SHISAL1: variants seen among roughly 807,000 people sequenced by gnomAD.
SHISAL1 encodes shisa like 1, also known as protein shisa-like-1.
Under a neutral mutation model 22.6 loss-of-function variants are expected in SHISAL1, and 9 were observed. The observed-to-expected ratio is 0.40, with a 90% CI of 0.24 to 0.70. SHISAL1 has a LOEUF of 0.70. SHISAL1 is among the 30% of genes least tolerant of loss of function. SHISAL1 has a pLI of 0.39. For missense variants in SHISAL1, 246 were observed against 270.6 expected, an observed-to-expected ratio of 0.91 and a Z score of 0.64; for synonymous variants, 119 against 115.4, an observed-to-expected ratio of 1.03 and a Z score of -0.20.
chr22:44,246,263 CACACAGTTCCCAGTGGGAA>C lies in SHISAL1; in HGVS notation c.*3403_*3421del, dbSNP rs764482840. 6.6e-6 allele frequency: 1 copy of C among 152,262 alleles called. No homozygotes were observed. The highest frequency in any genetic ancestry group is 1.5e-5 in the Non-Finnish European group (1 of 68,058). The allele number at this position is 152,262 out of a possible 1,614,324, so 9.4% of individuals were successfully genotyped here. ...AAAGCATAAAACTGCTCATTAATTA[CACACAGTTCCCAGTGGGAA>C]ACAGTCCTTACAAACGCGGTAGTTC... On this transcript the variant is annotated 3_prime_UTR_variant, in exon 5 of 5. Coordinates refer to ENST00000381176, the MANE Select transcript of SHISAL1 (RefSeq NM_001099294.2).
chr22:44,250,148 A>G (rs5764658), intron 4 of SHISAL1, among the ~76,000 whole-genome samples: 15,697 of 152,228 alleles, frequency 0.1, 1,401 homozygotes, highest in East Asian at 0.28. Context: ...AGTCTCAGTT[A>G]ACACTTGTTC....
chr22:44,320,243 G>T, the SHISAL1 span, among the ~76,000 whole-genome samples: 1 of 152,168 alleles, frequency 6.6e-6, no homozygotes. Context: ...GGTGCCTGTT[G>T]GAACACAAAC....
At chr22:44,317,253 T>TG (rs769211308), upstream of SHISAL1, among the ~76,000 whole-genome samples, 3 of 152,150 alleles carry the variant, frequency 2.0e-5, no homozygotes, top group Non-Finnish European at 2.9e-5. Context: ...TGGAAGGACG[T>TG]GCCTCTCGAA....
intron 4 of SHISAL1, among the ~76,000 whole-genome samples, chr22:44,284,897 G>GTCTGCCTGCCTTCCTTCCTTCCTT (rs1555928200): frequency 7.4e-6 from 1 of 134,504 alleles, no homozygotes; most frequent in Non-Finnish European, 1.6e-5. Flanking sequence ...CTGCCTTCCT[G>GTCTGCCTGCCTTCCTTCCTTCCTT]CCTTCCTTCC....
chr22:44,312,282 G>A (rs1307200578), intron 1 of SHISAL1, among the ~76,000 whole-genome samples: 1 of 152,112 alleles, frequency 6.6e-6, no homozygotes, highest in African/African-American at 2.4e-5. Flanking sequence ...CTCTGAAGTG[G>A]GTCGAACAGA....
chr22:44,268,230 A>C (rs1191039971), intron 4 of SHISAL1, among the ~76,000 whole-genome samples: 1 of 152,214 alleles, frequency 6.6e-6, no homozygotes, highest in Admixed American at 6.5e-5. Flanking sequence ...TAAATGCCAC[A>C]AAGTGCTCTG....
intron 4 of SHISAL1, among the ~76,000 whole-genome samples, chr22:44,275,317 C>G (rs1332362545): frequency 2.6e-5 from 4 of 152,198 alleles, no homozygotes; most frequent in Admixed American, 6.5e-5. Flanking sequence ...CCACGCACCC[C>G]AACCGAGCAC....
At chr22:44,325,946 C>A in the SHISAL1 span, among the ~76,000 whole-genome samples, 3 of 151,760 alleles carry the variant, frequency 2.0e-5, no homozygotes, top group Non-Finnish European at 2.9e-5. Context: ...CCCTCCCTGA[C>A]CCCTCTCAGG....
chr22:44,321,464 C>T, the SHISAL1 span, among the ~76,000 whole-genome samples: 111 of 151,984 alleles, frequency 7.3e-4, 2 homozygotes, highest in East Asian at 0.021. Flanking sequence ...CCCCTTGATG[C>T]TCAGCCCCTT....
chr22:44,281,464 A>G (rs1204928340), intron 4 of SHISAL1, among the ~76,000 whole-genome samples: 1 of 151,868 alleles, frequency 6.6e-6, no homozygotes. Context: ...CTGTGTGTGT[A>G]GGGGGTAGTG....
chr22:44,309,302 G>A (rs1268210233), intron 1 of SHISAL1, among the ~76,000 whole-genome samples: 1 of 152,218 alleles, frequency 6.6e-6, no homozygotes, highest in Non-Finnish European at 1.5e-5. Context: ...GTAATTCTAT[G>A]TGGGCACGAT....
rs578059888 is a variant in SHISAL1, at chr22:44,296,558, CACCCAACCTTATAGCGGTT to C, written c.281+95_281+113del. The C allele has an allele frequency of 2.8e-3, 2,348 of 849,396 alleles. 32 individuals are homozygous for C. In the East Asian group the frequency reaches 0.033, roughly 12 times the overall value. The allele number at this position is 849,396 out of a possible 1,614,324, so 52.6% of individuals were successfully genotyped here. ...GACTCTCCCAGACTCCTTCCAGGCC[CACCCAACCTTATAGCGGTT>C]ACCCAACCGCCTCCCTAGGGGACGC... is the stretch of plus-strand genomic sequence containing the variant. On this transcript the variant is annotated intron_variant, in intron 3 of 4. Coordinates refer to ENST00000381176, the MANE Select transcript of SHISAL1 (RefSeq NM_001099294.2).
the SHISAL1 span, among the ~76,000 whole-genome samples, chr22:44,325,623 G>A: frequency 5.7e-4 from 87 of 152,252 alleles, no homozygotes; most frequent in Admixed American, 5.0e-3. Flanking sequence ...TCAGAGTCCC[G>A]CCTGGCTGCG....
the SHISAL1 span, among the ~76,000 whole-genome samples, chr22:44,322,777 A>G: frequency 2.6e-5 from 4 of 152,170 alleles, no homozygotes. Flanking sequence ...TCATGCAGCA[A>G]AGAGAGAGAT....
At chr22:44,316,127 G>GC (rs566721774), upstream of SHISAL1, among the ~76,000 whole-genome samples, 181 of 152,304 alleles carry the variant, frequency 1.2e-3, no homozygotes, top group African/African-American at 4.2e-3. Context: ...CAAATAGCAG[G>GC]CCCCCACGTG....
chr22:44,321,112 G>A, the SHISAL1 span, among the ~76,000 whole-genome samples: 2 of 152,144 alleles, frequency 1.3e-5, no homozygotes, highest in Non-Finnish European at 2.9e-5. Flanking sequence ...TGGTAGCAAT[G>A]TCTGCCCCGG....
At chr22:44,315,745 T>C (rs910916293), upstream of SHISAL1, among the ~76,000 whole-genome samples, 4 of 152,150 alleles carry the variant, frequency 2.6e-5, no homozygotes, top group Non-Finnish European at 5.9e-5. Context: ...CCTTTGTGGA[T>C]GGTGCCATGC....
the SHISAL1 span, among the ~76,000 whole-genome samples, chr22:44,330,554 G>C: frequency 1.3e-5 from 2 of 152,286 alleles, no homozygotes; most frequent in African/African-American, 4.8e-5. Context: ...TAGCAAGAGT[G>C]GGGGAGACCC....
intron 4 of SHISAL1, among the ~76,000 whole-genome samples, chr22:44,264,255 T>C (rs1352056483): frequency 2.0e-5 from 3 of 152,152 alleles, no homozygotes; most frequent in African/African-American, 7.2e-5. Flanking sequence ...GATGACTCCA[T>C]TTTACAGTTG....
Sources: gnomAD v4.1 joint callset for allele counts (sites outside exome capture counted in the v4.1 genomes callset) on GRCh38, gnomAD v4.1.1 for gene constraint, MANE v1.5 for transcripts, NCBI Gene and HGNC (gene_info 2026-07-23, HGNC 2026-07-21) for gene names.